DSCAM: variants seen among roughly 807,000 people sequenced by gnomAD.
DSCAM encodes cell adhesion molecule DSCAM.
A neutral mutation model predicts 217.7 loss-of-function variants in DSCAM; 47 were observed. The observed-to-expected ratio is 0.22, with a 90% CI of 0.17 to 0.28. The LOEUF (loss-of-function observed/expected upper bound fraction) is 0.28, where lower values mean the gene tolerates loss of function less well. Ranked by LOEUF, DSCAM falls within the 10% of genes least tolerant of loss-of-function variation. The pLI is 1.00. For missense variants in DSCAM, 2,080 were observed against 2,618.3 expected (o/e 0.79, Z 4.49); for synonymous variants, 1,056 against 1,015.3 (o/e 1.04, Z -0.76).
chr21:40,555,668 T>C (rs894598909), intron 3 of DSCAM, among the ~76,000 whole-genome samples: 1 of 152,244 alleles, frequency 6.6e-6, no homozygotes, highest in Non-Finnish European at 1.5e-5. Context: ...CATCTGATTC[T>C]GTCACCCAGG....
intron 3 of DSCAM, among the ~76,000 whole-genome samples, chr21:40,498,988 C>T (rs781433260): frequency 4.0e-5 from 6 of 151,212 alleles, no homozygotes; most frequent in East Asian, 3.9e-4. Context: ...CAATGTAATA[C>T]GCAGCTCATT....
At chr21:40,356,428 G>GTATACCT (rs2074694140) in intron 4 of DSCAM, among the ~76,000 whole-genome samples, 1 of 150,106 alleles carries the variant, frequency 6.7e-6, no homozygotes, top group African/African-American at 2.5e-5. Flanking sequence ...ACATCACATT[G>GTATACCT]TATACCTTAA....
intron 15 of DSCAM, among the ~76,000 whole-genome samples, chr21:40,171,955 T>C (rs539069959): frequency 6.6e-6 from 1 of 152,352 alleles, no homozygotes; most frequent in South Asian, 2.1e-4. Flanking sequence ...GTGTTGACAT[T>C]GGAAATTTAA....
rs563949230 is a variant in DSCAM at position 40,161,243 on chromosome 21, T to A, written c.3018+5975A>T. ...AACTGGAGTCCTTGAAGAAGGCCCA[T>A]CACATGGCTAAACCGAGAGGAGTAA... On this transcript the variant is annotated intron_variant, in intron 16 of 32. Coordinates refer to ENST00000400454, the MANE Select transcript of DSCAM (RefSeq NM_001389.5). 8.5e-5 allele frequency among the ~76,000 whole-genome samples: 13 copies of A among 152,198 alleles called. No homozygotes were observed. The South Asian group carries it at 2.7e-3, about 32-fold the overall frequency.
At chr21:40,280,558 C>T (rs1474831358) in intron 10 of DSCAM, among the ~76,000 whole-genome samples, 1 of 152,052 alleles carries the variant, frequency 6.6e-6, no homozygotes, top group African/African-American at 2.4e-5. Context: ...TTAATGAAAG[C>T]TATTTACTAG....
At chr21:40,377,248 G>T (rs992551665) in intron 3 of DSCAM, among the ~76,000 whole-genome samples, 6 of 152,108 alleles carry the variant, frequency 3.9e-5, no homozygotes, top group African/African-American at 1.2e-4. Context: ...GAAGTTCAGG[G>T]ACTTGCCCCA....
chr21:40,047,949 G>C (rs894175772), intron 30 of DSCAM, among the ~76,000 whole-genome samples: 15 of 152,166 alleles, frequency 9.9e-5, no homozygotes, highest in Admixed American at 7.2e-4. Context: ...GCGTACATGT[G>C]AAGTCTATTC....
chr21:40,160,791 G>T (rs971623496), intron 16 of DSCAM, among the ~76,000 whole-genome samples: 1 of 152,036 alleles, frequency 6.6e-6, no homozygotes, highest in Admixed American at 6.6e-5. Context: ...TAACCTAACC[G>T]TTATACAAAA....
intron 3 of DSCAM, among the ~76,000 whole-genome samples, chr21:40,648,250 TACACAC>T (rs10639388): frequency 1.9e-4 from 27 of 145,802 alleles, no homozygotes; most frequent in African/African-American, 5.8e-4. Flanking sequence ...CATATCCCTG[TACACAC>T]ACACACACAC....
intron 3 of DSCAM, among the ~76,000 whole-genome samples, chr21:40,484,236 G>A (rs2076006448): frequency 1.3e-5 from 2 of 152,338 alleles, no homozygotes; most frequent in South Asian, 4.1e-4. Context: ...ATTGTGAAAG[G>A]TGGAAGTGGG....
chr21:40,665,792 A>C (rs1157184870), intron 3 of DSCAM, among the ~76,000 whole-genome samples: 3 of 152,198 alleles, frequency 2.0e-5, no homozygotes, highest in African/African-American at 7.2e-5. Flanking sequence ...GAATCAGTGA[A>C]TGAATGCTCA....
At chr21:40,331,522 G>A (rs1034365784) in intron 8 of DSCAM, among the ~76,000 whole-genome samples, 1 of 152,132 alleles carries the variant, frequency 6.6e-6, no homozygotes, top group Non-Finnish European at 1.5e-5. Flanking sequence ...CACAGCACAG[G>A]ACAAAAAGCT....
chr21:40,426,092 C>A (rs531667174), intron 3 of DSCAM, among the ~76,000 whole-genome samples: 3 of 152,254 alleles, frequency 2.0e-5, no homozygotes, highest in African/African-American at 7.2e-5. Flanking sequence ...GTGTGGCTGG[C>A]CCCATACTAC....
At chr21:40,677,859 C>A (rs2090358316) in intron 3 of DSCAM, among the ~76,000 whole-genome samples, 1 of 152,116 alleles carries the variant, frequency 6.6e-6, no homozygotes, top group Non-Finnish European at 1.5e-5. Flanking sequence ...AATCTACCCA[C>A]CTCCTTGATC....
intron 3 of DSCAM, among the ~76,000 whole-genome samples, chr21:40,522,749 G>A (rs767376909): frequency 5.3e-5 from 8 of 152,152 alleles, no homozygotes; most frequent in Non-Finnish European, 8.8e-5. Context: ...AAGAGTTTTC[G>A]AGATTCAGAT....
At chr21:40,013,470 G>T in intron 32 of DSCAM, 84 bp from the exon 33 acceptor site, 2 of 1,035,740 alleles carry the variant, frequency 1.9e-6, no homozygotes, top group South Asian at 2.0e-5. Flanking sequence ...GGGAAGCCAT[G>T]CGGGCTTTAG....
At chr21:40,371,392 A>G (rs917698446) in intron 3 of DSCAM, among the ~76,000 whole-genome samples, 2 of 151,158 alleles carry the variant, frequency 1.3e-5, no homozygotes, top group African/African-American at 4.9e-5. Context: ...AGTTCCTTTA[A>G]AGTACAGTTT....
chr21:40,320,698 T>C (rs1308105191), intron 8 of DSCAM, among the ~76,000 whole-genome samples: 1 of 152,146 alleles, frequency 6.6e-6, no homozygotes, highest in African/African-American at 2.4e-5. Flanking sequence ...GCAAAGAGAA[T>C]GAGGAAGACG....
chr21:40,623,283 G>A (rs1443734429), intron 3 of DSCAM, among the ~76,000 whole-genome samples: 1 of 152,066 alleles, frequency 6.6e-6, no homozygotes, highest in Non-Finnish European at 1.5e-5. Context: ...TGGAGGTTAA[G>A]AGGCAGAAAT....
Sources: gnomAD v4.1 joint callset for allele counts (sites outside exome capture counted in the v4.1 genomes callset) on GRCh38, gnomAD v4.1.1 for gene constraint, MANE v1.5 for transcripts, NCBI Gene and HGNC (gene_info 2026-07-23, HGNC 2026-07-21) for gene names.